The following CACNA2D1 variants were observed in gnomAD, a reference collection of about 807,000 sequenced individuals.
The protein encoded by CACNA2D1 is voltage-dependent calcium channel subunit alpha-2/delta-1.
Under a neutral mutation model 171.5 loss-of-function variants are expected in CACNA2D1, and 53 were observed. The ratio of observed to expected loss-of-function variants is 0.31; its 90% CI spans 0.25 to 0.39. CACNA2D1 has a LOEUF of 0.39. Ranked by LOEUF, CACNA2D1 falls within the 10% of genes least tolerant of loss-of-function variation. The pLI is 1.00. For synonymous variants in CACNA2D1, 442 were observed against 443.1 expected (o/e 1.00, Z 0.03); for missense variants, 903 against 1,299.8 (o/e 0.69, Z 4.69).
intron 3 of CACNA2D1, among the ~76,000 whole-genome samples, chr7:82,177,199 C>T (rs1217437515): frequency 6.6e-6 from 1 of 150,532 alleles, no homozygotes; most frequent in African/African-American, 2.4e-5. Context: ...TTTATATTTG[C>T]TTTATAACTT....
At chr7:82,406,764 G>C (rs1827099549) in intron 1 of CACNA2D1, among the ~76,000 whole-genome samples, 1 of 152,002 alleles carries the variant, frequency 6.6e-6, no homozygotes. Context: ...AGTTTTTCTT[G>C]TTTAAGTTCT....
In CACNA2D1 at chr7:82,422,241, A is replaced by G. The variant is rs148642564; in HGVS notation, c.95+21124T>C. 6.6e-5 allele frequency among the ~76,000 whole-genome samples: 10 copies of G among 152,274 alleles called. No individual in the cohort carries two copies. In the East Asian group the frequency reaches 1.9e-3, roughly 29 times the overall value. On this transcript the variant is annotated intron_variant, in intron 1 of 38. Coordinates refer to ENST00000356860, the MANE Select transcript of CACNA2D1 (RefSeq NM_000722.4). ...TATAATGGTCACCAAGGTGTTGGAC[A>G]ATTTCTATTGGTAAGATTTCAGCAG...
chr7:81,986,146 C>T (rs1299964812), intron 21 of CACNA2D1, among the ~76,000 whole-genome samples: 2 of 152,140 alleles, frequency 1.3e-5, no homozygotes, highest in South Asian at 2.1e-4. Context: ...ATGATCTTTG[C>T]TATGCTTTGA....
chr7:82,258,083 G>A (rs1053075303), intron 3 of CACNA2D1, among the ~76,000 whole-genome samples: 9 of 152,174 alleles, frequency 5.9e-5, no homozygotes, highest in Non-Finnish European at 1.0e-4. Context: ...CACTTTTTCT[G>A]GGACTGGAGG....
chr7:82,175,801 A>G (rs1796490221), intron 3 of CACNA2D1, among the ~76,000 whole-genome samples: 1 of 152,040 alleles, frequency 6.6e-6, no homozygotes, highest in Admixed American at 6.6e-5. Context: ...GGCATTCTAC[A>G]TATCTAGCAT....
At chr7:82,314,978 T>TC (rs201790459) in intron 3 of CACNA2D1, among the ~76,000 whole-genome samples, 7 of 104,960 alleles carry the variant, frequency 6.7e-5, no homozygotes, top group African/African-American at 1.5e-4. Flanking sequence ...ATATTATCTT[T>TC]TTTTTTTTTT....
chr7:82,041,739 T>TC (rs1803988640), intron 10 of CACNA2D1, among the ~76,000 whole-genome samples: 2 of 152,232 alleles, frequency 1.3e-5, no homozygotes, highest in Non-Finnish European at 2.9e-5. Flanking sequence ...GCAAGCTTAT[T>TC]CTACATGTTC....
intron 10 of CACNA2D1, among the ~76,000 whole-genome samples, chr7:82,040,140 A>G (rs1464386679): frequency 2.0e-5 from 3 of 152,092 alleles, no homozygotes; most frequent in Admixed American, 1.3e-4. Context: ...ATTTGTGGAG[A>G]TGGTTAGAAA....
chr7:82,213,491 T>C (rs562980733), intron 3 of CACNA2D1, among the ~76,000 whole-genome samples: 22 of 152,276 alleles, frequency 1.4e-4, no homozygotes, highest in African/African-American at 4.3e-4. Flanking sequence ...GCTGTACTTT[T>C]TCTTGCTACA....
At chr7:82,164,299 G>A (rs922222885) in intron 4 of CACNA2D1, among the ~76,000 whole-genome samples, 2 of 151,818 alleles carry the variant, frequency 1.3e-5, no homozygotes, top group South Asian at 2.1e-4. Context: ...CATTAGCCAC[G>A]GTTTTATCCC....
At chr7:82,102,172 A>G (rs1263176828) in intron 6 of CACNA2D1, among the ~76,000 whole-genome samples, 1 of 152,160 alleles carries the variant, frequency 6.6e-6, no homozygotes, top group Non-Finnish European at 1.5e-5. Context: ...AGAGAAGGGA[A>G]GTAACAGTTC....
At chr7:81,975,766 A>G (rs1290961768) in intron 24 of CACNA2D1, among the ~76,000 whole-genome samples, 1 of 152,132 alleles carries the variant, frequency 6.6e-6, no homozygotes, top group Middle Eastern at 3.2e-3. Context: ...ATTTACACTC[A>G]TTATTATCTT....
chr7:82,005,067 T>C (rs1475944754), intron 18 of CACNA2D1, among the ~76,000 whole-genome samples: 3 of 152,096 alleles, frequency 2.0e-5, no homozygotes, highest in Non-Finnish European at 4.4e-5. Context: ...TGGACATAAA[T>C]AAACATTACT....
chr7:82,239,514 C>A (rs1377619998), intron 3 of CACNA2D1, among the ~76,000 whole-genome samples: 1 of 152,186 alleles, frequency 6.6e-6, no homozygotes, highest in South Asian at 2.1e-4. Context: ...AATAATTGTG[C>A]TATTTAAATG....
chr7:81,981,503 T>G (rs1299817871), intron 24 of CACNA2D1, among the ~76,000 whole-genome samples: 6 of 152,156 alleles, frequency 3.9e-5, no homozygotes, highest in Admixed American at 6.6e-5. Flanking sequence ...AGAAATATCC[T>G]TTTGCAAGAA....
chr7:81,985,787 C>A (rs945664714), intron 21 of CACNA2D1, among the ~76,000 whole-genome samples: 2 of 152,076 alleles, frequency 1.3e-5, no homozygotes, highest in Admixed American at 1.3e-4. Flanking sequence ...ACAAGAGCCA[C>A]GGCGCTACTC....
chr7:82,190,663 C>T (rs1352893418), intron 3 of CACNA2D1, among the ~76,000 whole-genome samples: 2 of 151,622 alleles, frequency 1.3e-5, no homozygotes, highest in Non-Finnish European at 3.0e-5. Context: ...GAGCTTTGGG[C>T]CATTTTCAAT....
intron 1 of CACNA2D1, among the ~76,000 whole-genome samples, chr7:82,441,631 A>G (rs1830510317): frequency 6.6e-6 from 1 of 152,178 alleles, no homozygotes; most frequent in Non-Finnish European, 1.5e-5. Context: ...TTACCACAGT[A>G]TGTTGAGGAA....
At chr7:81,987,568 G>A (rs1011443912) in intron 21 of CACNA2D1, among the ~76,000 whole-genome samples, 1 of 152,170 alleles carries the variant, frequency 6.6e-6, no homozygotes, top group South Asian at 2.1e-4. Flanking sequence ...CTTAAGAAGA[G>A]AGAAATCACC....
Sources: allele counts gnomAD v4.1 joint callset (sites outside exome capture counted in the v4.1 genomes callset), GRCh38; gene constraint gnomAD v4.1.1; transcripts MANE v1.5; gene names NCBI Gene and HGNC (gene_info 2026-07-23, HGNC 2026-07-21).